Variants in GPD1L observed in about 807,000 individuals in gnomAD.
GPD1L encodes the protein glycerol-3-phosphate dehydrogenase 1-like protein.
GPD1L carries 17 observed loss-of-function variants against 32.9 expected under a neutral mutation model. The ratio of observed to expected loss-of-function variants is 0.52; its 90% confidence interval spans 0.35 to 0.78. The LOEUF (loss-of-function observed/expected upper bound fraction) is 0.78, where lower values mean the gene tolerates loss of function less well. GPD1L is among the 30% of genes least tolerant of loss of function. The probability of loss-of-function intolerance (pLI) is 0.01; values close to 1 mark genes in which losing one functional copy is unlikely to be tolerated. For synonymous variants in GPD1L, 187 were observed against 165.9 expected (o/e 1.13, Z -0.98); for missense variants, 361 against 447.8 (o/e 0.81, Z 1.75).
chr3:32,138,020 G>T (rs1404159361), intron 2 of GPD1L, among the ~76,000 whole-genome samples: 1 of 152,230 alleles, frequency 6.6e-6, no homozygotes, highest in African/African-American at 2.4e-5. Context: ...CATGGCCTTA[G>T]AAAGGGGCTG....
intron 1 of GPD1L, among the ~76,000 whole-genome samples, chr3:32,119,564 C>T (rs1485047652): frequency 6.6e-5 from 10 of 152,104 alleles, no homozygotes; most frequent in Non-Finnish European, 1.0e-4. Context: ...AAATAACATT[C>T]GCCAAGTTGA....
At chr3:32,114,985 G>C (rs929199233) in intron 1 of GPD1L, among the ~76,000 whole-genome samples, 1 of 152,248 alleles carries the variant, frequency 6.6e-6, no homozygotes, top group African/African-American at 2.4e-5. Flanking sequence ...GACCCAAAGA[G>C]TGAGCAGCAG....
intron 7 of GPD1L, 38 bp from the exon 8 acceptor site, chr3:32,165,776 T>G: frequency 9.5e-7 from 1 of 1,047,738 alleles, no homozygotes; most frequent in Admixed American, 1.7e-5. Flanking sequence ...GTAAATCCAG[T>G]GGCCTAACTT....
chr3:32,127,021 G>T (rs933357603), intron 1 of GPD1L, among the ~76,000 whole-genome samples: 1 of 152,150 alleles, frequency 6.6e-6, no homozygotes, highest in Non-Finnish European at 1.5e-5. Flanking sequence ...AAGCATACAG[G>T]TTTATATGCT....
intron 4 of GPD1L, among the ~76,000 whole-genome samples, chr3:32,144,822 AACACAC>A (rs60130762): frequency 4.9e-5 from 7 of 142,154 alleles, no homozygotes; most frequent in Non-Finnish European, 1.1e-4. Flanking sequence ...AGTAGCTGGG[AACACAC>A]ACACACACAC....
chr3:32,109,599 T>C (rs1700218236), intron 1 of GPD1L, among the ~76,000 whole-genome samples: 1 of 152,236 alleles, frequency 6.6e-6, no homozygotes. Context: ...TGCCACTGCC[T>C]TGGGTACAGA....
At chr3:32,136,654 G>A (rs555716906) in intron 2 of GPD1L, among the ~76,000 whole-genome samples, 2 of 152,334 alleles carry the variant, frequency 1.3e-5, no homozygotes, top group Non-Finnish European at 1.5e-5. Context: ...AATAGGCTAA[G>A]ATACTGCAAA....
Position 32,167,962 on chromosome 3 carries a change from G to A in GPD1L, c.*2052G>A, listed in dbSNP as rs1484157440. 1 of 152,126 alleles carries A rather than the reference G, an allele frequency of 6.6e-6. No individual in the cohort carries two copies. The highest frequency in any genetic ancestry group is 1.5e-5 in the Non-Finnish European group (1 of 68,024). The allele number at this position is 152,126 out of a possible 1,614,324, so 9.4% of individuals were successfully genotyped here. On this transcript the variant is annotated 3_prime_UTR_variant, in exon 8 of 8. Transcript: ENST00000282541. ...AATCTTTGTTAAAGTTTGTACACAG[G>A]TAACAAAAAGTTACTTTAAAAGATA...
chr3:32,151,697 T>C (rs1473123645), intron 5 of GPD1L: 1 of 162,082 alleles, frequency 6.2e-6, no homozygotes, highest in Non-Finnish European at 1.3e-5. Context: ...CAGTCTGATC[T>C]CAAACTCCTG....
chr3:32,167,668 G>A lies in GPD1L; in HGVS notation c.*1758G>A, dbSNP rs1701166575. 6.6e-6 allele frequency: 1 copy of A among 152,612 alleles called. No individual in the cohort carries two copies. 9.5% of individuals were successfully genotyped at this position (152,612 alleles called of 1,614,324 possible). ...ACATAGCACTTGATACGTGTTAAAT[G>A]AACATATGAATGTAATTTATATATT... On this transcript the variant is annotated 3_prime_UTR_variant, in exon 8 of 8. Transcript: ENST00000282541.
intron 7 of GPD1L, 103 bp from the exon 8 acceptor site, chr3:32,165,711 A>T: frequency 1.4e-6 from 1 of 730,336 alleles, no homozygotes; most frequent in Non-Finnish European, 2.5e-6. Context: ...TGTTTTCCAT[A>T]GTCACATACT....
intron 4 of GPD1L, among the ~76,000 whole-genome samples, chr3:32,144,696 T>A (rs1464854152): frequency 6.6e-6 from 1 of 151,852 alleles, no homozygotes; most frequent in African/African-American, 2.4e-5. Context: ...GTTGTTGTTG[T>A]TGTTTTTGAG....
At chr3:32,163,745 T>G (rs190754458) in intron 7 of GPD1L, among the ~76,000 whole-genome samples, 1 of 152,236 alleles carries the variant, frequency 6.6e-6, no homozygotes, top group Non-Finnish European at 1.5e-5. Context: ...GAAATTTCTC[T>G]TCCACACACT....
At chr3:32,156,962 A>G (rs1268958901) in intron 5 of GPD1L, among the ~76,000 whole-genome samples, 1 of 151,994 alleles carries the variant, frequency 6.6e-6, no homozygotes, top group Non-Finnish European at 1.5e-5. Flanking sequence ...GTATTACTGG[A>G]ATTGCTAGTG....
rs10627424 is a variant in GPD1L, at chr3:32,138,468, T to TAGAC, written c.226-118_226-117insGACA. ...AGCAAACACACTTGCCTTCCTTGTC[T>TAGAC]ATCTGTGCAATGCTCTGCACATAGT... On this transcript the variant is annotated intron_variant, in intron 2 of 7. Transcript: ENST00000282541. 6.4e-3 allele frequency: 6,012 copies of TAGAC among 942,310 alleles called. 230 individuals carry two copies. The African/African-American group carries it at 0.085, about 13-fold the overall frequency. 58.4% of individuals were successfully genotyped at this position (942,310 alleles called of 1,614,324 possible).
intron 2 of GPD1L, among the ~76,000 whole-genome samples, chr3:32,130,133 C>A (rs1049739846): frequency 6.6e-6 from 1 of 151,964 alleles, no homozygotes; most frequent in Non-Finnish European, 1.5e-5. Context: ...GCCTGTGCTG[C>A]GAACAGGGAG....
chr3:32,155,662 G>A (rs1700977973), intron 5 of GPD1L, among the ~76,000 whole-genome samples: 1 of 152,122 alleles, frequency 6.6e-6, no homozygotes, highest in South Asian at 2.1e-4. Context: ...CTGGCCTCTG[G>A]GCTTCGGCAG....
intron 4 of GPD1L, among the ~76,000 whole-genome samples, chr3:32,144,993 C>T (rs769836165): frequency 5.9e-5 from 9 of 151,556 alleles, no homozygotes; most frequent in Non-Finnish European, 8.8e-5. Context: ...CATGAGCCAC[C>T]GCGCTGGCTT....
At chr3:32,143,830 A>G (rs1700782913) in intron 4 of GPD1L, among the ~76,000 whole-genome samples, 1 of 152,100 alleles carries the variant, frequency 6.6e-6, no homozygotes, top group African/African-American at 2.4e-5. Flanking sequence ...AAAAATACAA[A>G]AATTAGCCAG....
Sources: gnomAD v4.1 joint callset for allele counts (sites outside exome capture counted in the v4.1 genomes callset) on GRCh38, gnomAD v4.1.1 for gene constraint, MANE v1.5 for transcripts, NCBI Gene and HGNC (gene_info 2026-07-23, HGNC 2026-07-21) for gene names.